Variants in PDZRN4 observed in about 807,000 individuals in gnomAD.
PDZRN4 encodes the protein PDZ domain containing ring finger 4, also known as PDZ domain-containing RING finger protein 4.
PDZRN4 carries 70 observed loss-of-function variants against 99.0 expected under a neutral mutation model. That is an observed-to-expected ratio of 0.71 (90% CI 0.58 to 0.86). The LOEUF is 0.86. Ranked by LOEUF, PDZRN4 falls within the 40% of genes least tolerant of loss-of-function variation. PDZRN4 has a pLI of 0.00. For missense variants in PDZRN4, 1,474 were observed against 1,331.2 expected (o/e 1.11, Z -1.67); for synonymous variants, 551 against 501.6 (o/e 1.10, Z -1.32).
At chr12:41,257,436 C>T (rs531706939) in intron 3 of PDZRN4, among the ~76,000 whole-genome samples, 1 of 152,062 alleles carries the variant, frequency 6.6e-6, no homozygotes, top group Non-Finnish European at 1.5e-5. Context: ...CTAATACCAT[C>T]GACTTAGTGA....
intron 3 of PDZRN4, among the ~76,000 whole-genome samples, chr12:41,245,620 T>C (rs531656221): frequency 6.6e-6 from 1 of 152,172 alleles, no homozygotes; most frequent in South Asian, 2.1e-4. Flanking sequence ...TGAATCTGGG[T>C]AATGGGAATA....
chr12:41,374,605 G>C (rs558700312), intron 3 of PDZRN4, among the ~76,000 whole-genome samples: 74 of 152,226 alleles, frequency 4.9e-4, no homozygotes, highest in Non-Finnish European at 9.7e-4. Flanking sequence ...CAGATATTTA[G>C]GAATTACACT....
intron 3 of PDZRN4, among the ~76,000 whole-genome samples, chr12:41,341,438 C>A (rs907774467): frequency 6.6e-6 from 1 of 151,822 alleles, no homozygotes; most frequent in South Asian, 2.1e-4. Flanking sequence ...GAGATGTGAT[C>A]TTGTATATAA....
At chr12:41,318,237 T>G (rs1285552748) in intron 3 of PDZRN4, among the ~76,000 whole-genome samples, 1 of 152,206 alleles carries the variant, frequency 6.6e-6, no homozygotes, top group Non-Finnish European at 1.5e-5. Flanking sequence ...CATGTTTTCC[T>G]TCATTGTTTT....
intron 5 of PDZRN4, among the ~76,000 whole-genome samples, chr12:41,512,408 T>A (rs980326481): frequency 6.6e-6 from 1 of 152,030 alleles, no homozygotes; most frequent in African/African-American, 2.4e-5. Context: ...GCAAGACTTC[T>A]CTCATAAGAG....
chr12:41,336,678 C>T (rs1282205006), intron 3 of PDZRN4, among the ~76,000 whole-genome samples: 1 of 152,046 alleles, frequency 6.6e-6, no homozygotes, highest in Admixed American at 6.6e-5. Flanking sequence ...TCAAATCTGT[C>T]TCCCCAAGCA....
chr12:41,227,248 AGGTTTGTTCTGTTTAT>A (rs1951000980), intron 3 of PDZRN4, among the ~76,000 whole-genome samples: 1 of 152,162 alleles, frequency 6.6e-6, no homozygotes, highest in African/African-American at 2.4e-5. Context: ...ATTAAGTTTG[AGGTTTGTTCTGTTTAT>A]CTTAAATCAA....
At chr12:41,356,754 G>C (rs367606261) in intron 3 of PDZRN4, among the ~76,000 whole-genome samples, 1 of 151,910 alleles carries the variant, frequency 6.6e-6, no homozygotes, top group Admixed American at 6.6e-5. Flanking sequence ...GATTTCATCT[G>C]GTAGAGACTT....
chr12:41,281,086 A>T (rs1951382909), intron 3 of PDZRN4, among the ~76,000 whole-genome samples: 1 of 147,774 alleles, frequency 6.8e-6, no homozygotes, highest in African/African-American at 2.4e-5. Flanking sequence ...TCTGGAGTGG[A>T]CCCACAGCAA....
chr12:41,539,242 G>C (rs1256506890), intron 5 of PDZRN4, among the ~76,000 whole-genome samples: 1 of 151,784 alleles, frequency 6.6e-6, no homozygotes, highest in Non-Finnish European at 1.5e-5. Context: ...CTTCCTGCTT[G>C]TTTAAAAAAT....
chr12:41,318,258 A>AT (rs1284770357), intron 3 of PDZRN4, among the ~76,000 whole-genome samples: 1 of 152,160 alleles, frequency 6.6e-6, no homozygotes, highest in Non-Finnish European at 1.5e-5. Context: ...TCCTAGAGAC[A>AT]TTTTATTTAA....
intron 3 of PDZRN4, among the ~76,000 whole-genome samples, chr12:41,395,097 A>G (rs1952237391): frequency 6.6e-6 from 1 of 152,112 alleles, no homozygotes; most frequent in East Asian, 1.9e-4. Flanking sequence ...CAGGCTCCCA[A>G]AAGTCTCATT....
At chr12:41,219,243 A>C (rs1950939040) in intron 3 of PDZRN4, among the ~76,000 whole-genome samples, 1 of 152,024 alleles carries the variant, frequency 6.6e-6, no homozygotes, top group Non-Finnish European at 1.5e-5. Context: ...GGTGGGAAGA[A>C]GCCAGGGGAA....
intron 3 of PDZRN4, among the ~76,000 whole-genome samples, chr12:41,230,386 A>G (rs1951020466): frequency 1.3e-5 from 2 of 152,202 alleles, no homozygotes; most frequent in South Asian, 4.1e-4. Flanking sequence ...TGTAATGAAT[A>G]TTCATTACTC....
intron 9 of PDZRN4, among the ~76,000 whole-genome samples, chr12:41,569,159 G>A (rs566897746): frequency 5.3e-5 from 8 of 150,752 alleles, no homozygotes; most frequent in East Asian, 1.9e-4. Context: ...TCACTCTGTC[G>A]CCCAGGCTGG....
At chr12:41,360,836 A>G (rs967885301) in intron 3 of PDZRN4, among the ~76,000 whole-genome samples, 4 of 152,048 alleles carry the variant, frequency 2.6e-5, no homozygotes, top group Admixed American at 2.6e-4. Context: ...ATTGACAATT[A>G]TCTGCCTTCT....
intron 3 of PDZRN4, among the ~76,000 whole-genome samples, chr12:41,448,512 TC>T (rs5797735): frequency 0.51 from 77,272 of 151,792 alleles, 20,137 homozygotes; most frequent in African/African-American, 0.64. Context: ...TGTGTGTATT[TC>T]AGTTCTGCTG....
intron 3 of PDZRN4, among the ~76,000 whole-genome samples, chr12:41,255,415 T>G (rs750644073): frequency 6.6e-6 from 1 of 152,008 alleles, no homozygotes; most frequent in Non-Finnish European, 1.5e-5. Flanking sequence ...AAAGTTTTGT[T>G]TTTTTTGTTT....
At chr12:41,490,456 T>C (rs1315219767) in intron 3 of PDZRN4, among the ~76,000 whole-genome samples, 3 of 152,132 alleles carry the variant, frequency 2.0e-5, no homozygotes, top group Admixed American at 6.6e-5. Flanking sequence ...AGACAAACAT[T>C]GAAAGAAAAT....
Sources: allele counts gnomAD v4.1 joint callset (sites outside exome capture counted in the v4.1 genomes callset), GRCh38; gene constraint gnomAD v4.1.1; transcripts MANE v1.5; gene names NCBI Gene and HGNC (gene_info 2026-07-23, HGNC 2026-07-21).